CDK8: variants seen among roughly 807,000 people sequenced by gnomAD.
CDK8 encodes cyclin dependent kinase 8, also known as cyclin-dependent kinase 8.
A neutral mutation model predicts 71.5 loss-of-function variants in CDK8; 29 were observed. The observed-to-expected ratio is 0.41, with a 90% CI of 0.30 to 0.55. The LOEUF (loss-of-function observed/expected upper bound fraction) is 0.55, where lower values mean the gene tolerates loss of function less well. CDK8 is among the 20% of genes least tolerant of loss of function. The pLI is 0.37. For synonymous variants in CDK8, 161 were observed against 192.1 expected (o/e 0.84, Z 1.34); for missense variants, 288 against 572.6 (o/e 0.50, Z 5.07).
chr13:26,259,140 A>C (rs895762323), intron 1 of CDK8, among the ~76,000 whole-genome samples: 3 of 152,214 alleles, frequency 2.0e-5, no homozygotes, highest in Admixed American at 1.3e-4. Flanking sequence ...AGAAATGCCA[A>C]ATACAATATG....
intron 2 of CDK8, among the ~76,000 whole-genome samples, chr13:26,348,146 A>G (rs1405879373): frequency 6.6e-6 from 1 of 152,158 alleles, no homozygotes; most frequent in African/African-American, 2.4e-5. Context: ...AAAGAATGAA[A>G]TAGGCTAAGT....
chr13:26,366,521 C>A (rs1053023005), intron 4 of CDK8, among the ~76,000 whole-genome samples: 1 of 152,062 alleles, frequency 6.6e-6, no homozygotes, highest in Non-Finnish European at 1.5e-5. Flanking sequence ...ATTTTACCTT[C>A]CCTTTTAATA....
intron 4 of CDK8, among the ~76,000 whole-genome samples, chr13:26,368,029 G>C (rs1382643210): frequency 2.0e-5 from 3 of 152,196 alleles, no homozygotes; most frequent in Non-Finnish European, 4.4e-5. Context: ...GGAGATTTCA[G>C]AATTTTCTGC....
intron 1 of CDK8, among the ~76,000 whole-genome samples, chr13:26,288,868 T>G (rs1304696306): frequency 6.6e-6 from 1 of 151,916 alleles, no homozygotes; most frequent in East Asian, 1.9e-4. Context: ...CATCTGATTC[T>G]CCTGCCTCAG....
At chr13:26,386,388 T>C (rs1298718635) in intron 6 of CDK8, among the ~76,000 whole-genome samples, 1 of 152,190 alleles carries the variant, frequency 6.6e-6, no homozygotes, top group Non-Finnish European at 1.5e-5. Context: ...TCTTCTTTTC[T>C]TTATTTTGTG....
At chr13:26,283,542 G>T (rs886694481) in intron 1 of CDK8, among the ~76,000 whole-genome samples, 7 of 151,846 alleles carry the variant, frequency 4.6e-5, no homozygotes, top group African/African-American at 1.7e-4. Flanking sequence ...TGGGAGGCAG[G>T]GGTTGCAGTG....
intron 4 of CDK8, 140 bp from the exon 5 acceptor site, chr13:26,382,674 T>C: frequency 1.8e-6 from 1 of 555,620 alleles, no homozygotes; most frequent in Non-Finnish European, 3.2e-6. Flanking sequence ...CACAGTTTCT[T>C]TGGTGACTTC....
intron 4 of CDK8, among the ~76,000 whole-genome samples, chr13:26,366,977 T>C (rs1874419991): frequency 6.6e-6 from 1 of 152,222 alleles, no homozygotes. Context: ...CTTGGTAATA[T>C]GCGGGGCAGA....
At chr13:26,370,644 T>G (rs1874622455) in intron 4 of CDK8, among the ~76,000 whole-genome samples, 1 of 152,278 alleles carries the variant, frequency 6.6e-6, no homozygotes, top group South Asian at 2.1e-4. Flanking sequence ...CGATACAGGA[T>G]TGATTAAAAC....
chr13:26,301,017 G>C (rs1401014309), intron 1 of CDK8, among the ~76,000 whole-genome samples: 1 of 152,054 alleles, frequency 6.6e-6, no homozygotes, highest in East Asian at 1.9e-4. Flanking sequence ...TTTTGATCAG[G>C]AAGACAGGAG....
intron 1 of CDK8, among the ~76,000 whole-genome samples, chr13:26,312,099 A>G (rs1162508330): frequency 4.6e-5 from 7 of 152,142 alleles, no homozygotes; most frequent in Admixed American, 2.0e-4. Flanking sequence ...TTGTAAATGC[A>G]CCAATCAGCA....
At chr13:26,265,630 T>C (rs1325888274) in intron 1 of CDK8, among the ~76,000 whole-genome samples, 4 of 152,124 alleles carry the variant, frequency 2.6e-5, no homozygotes, top group Admixed American at 2.6e-4. Context: ...TTGTGTATTA[T>C]GGGGGGAAGC....
At chr13:26,389,697 T>G (rs1875654729) in intron 6 of CDK8, among the ~76,000 whole-genome samples, 1 of 152,048 alleles carries the variant, frequency 6.6e-6, no homozygotes, top group South Asian at 2.1e-4. Context: ...CCACTTTCAA[T>G]TTAAGTTTCT....
intron 4 of CDK8, among the ~76,000 whole-genome samples, chr13:26,368,717 A>G (rs1005803453): frequency 7.2e-5 from 11 of 152,342 alleles, no homozygotes; most frequent in Admixed American, 7.2e-4. Context: ...ACTATTAGAT[A>G]TGATATTTAC....
chr13:26,354,361 A>G (rs1390465151), intron 4 of CDK8, among the ~76,000 whole-genome samples: 2 of 152,228 alleles, frequency 1.3e-5, no homozygotes, highest in Non-Finnish European at 2.9e-5. Flanking sequence ...GAAGTATATT[A>G]TTAGAAGCCT....
intron 1 of CDK8, among the ~76,000 whole-genome samples, chr13:26,266,907 T>C (rs1872045094): frequency 6.6e-6 from 1 of 152,208 alleles, no homozygotes; most frequent in African/African-American, 2.4e-5. Context: ...AAATAATGAC[T>C]CTTCATTGTG....
At chr13:26,369,419 A>AG (rs1874545821) in intron 4 of CDK8, among the ~76,000 whole-genome samples, 2 of 131,430 alleles carry the variant, frequency 1.5e-5, no homozygotes, top group Admixed American at 1.7e-4. Context: ...ACTGCACTCC[A>AG]GCCGGGGTGA....
intron 1 of CDK8, among the ~76,000 whole-genome samples, chr13:26,282,223 G>C (rs1872781714): frequency 6.6e-6 from 1 of 152,076 alleles, no homozygotes; most frequent in South Asian, 2.1e-4. Flanking sequence ...AGGAACACCT[G>C]GGAAATTCAT....
intron 4 of CDK8, among the ~76,000 whole-genome samples, chr13:26,363,524 T>G (rs569438723): frequency 7.6e-4 from 116 of 152,026 alleles, no homozygotes; most frequent in African/African-American, 2.6e-3. Flanking sequence ...ATAAGCTTTT[T>G]TTTGTTTGTT....
Sources: gnomAD v4.1 joint callset for allele counts (sites outside exome capture counted in the v4.1 genomes callset) on GRCh38, gnomAD v4.1.1 for gene constraint, MANE v1.5 for transcripts, NCBI Gene and HGNC (gene_info 2026-07-23, HGNC 2026-07-21) for gene names.